PKNOX2: variants seen among roughly 807,000 people sequenced by gnomAD.
The protein encoded by PKNOX2 is homeobox protein PKNOX2.
A neutral mutation model predicts 53.1 loss-of-function variants in PKNOX2; 14 were observed. The observed-to-expected ratio is 0.26, with a 90% confidence interval of 0.17 to 0.41. PKNOX2 has a LOEUF of 0.41. PKNOX2 is among the 10% of genes least tolerant of loss of function. The probability of loss-of-function intolerance (pLI) is 1.00; values close to 1 mark genes in which losing one functional copy is unlikely to be tolerated. For synonymous variants in PKNOX2, 257 were observed against 242.8 expected (o/e 1.06, Z -0.54); for missense variants, 496 against 602.8 (o/e 0.82, Z 1.85).
In PKNOX2 at chr11:125,199,012, T is replaced by C. The variant is rs562858953; in HGVS notation, c.-201+34236T>C. Reference sequence around the variant, plus strand: ...CCCACTACTATGCCTGGCTAATTTTTGCATTTTCAGTAGAGACAGGGTTTT... The same window carrying C: ...CCCACTACTATGCCTGGCTAATTTTCGCATTTTCAGTAGAGACAGGGTTTT... On this transcript the variant is annotated intron_variant, in intron 1 of 12. Coordinates refer to ENST00000298282, the MANE Select transcript of PKNOX2 (RefSeq NM_001382323.2). Among the ~76,000 whole-genome samples the C allele has an allele frequency of 4.6e-5, 7 of 152,220 alleles. No homozygotes were observed. In the South Asian group the frequency reaches 1.5e-3, roughly 32 times the overall value.
At chr11:125,245,318 G>A (rs1016363110) in intron 2 of PKNOX2, among the ~76,000 whole-genome samples, 4 of 152,218 alleles carry the variant, frequency 2.6e-5, no homozygotes, top group East Asian at 1.9e-4. Flanking sequence ...TGCTTCACAT[G>A]CACTATCTGT....
At chr11:125,428,346 G>A (rs1460407221) in intron 10 of PKNOX2, among the ~76,000 whole-genome samples, 1 of 152,166 alleles carries the variant, frequency 6.6e-6, no homozygotes, top group African/African-American at 2.4e-5. Flanking sequence ...CCATCTGGGG[G>A]ACACTGGAGG....
chr11:125,385,178 T>C (rs1242561094), intron 5 of PKNOX2, among the ~76,000 whole-genome samples: 1 of 152,182 alleles, frequency 6.6e-6, no homozygotes, highest in East Asian at 1.9e-4. Context: ...ATCCAGGACT[T>C]CTCTGGACAC....
Position 125,189,557 on chromosome 11 carries a change from C to T in PKNOX2, c.-201+24781C>T, listed in dbSNP as rs867880424. On this transcript the variant is annotated intron_variant, in intron 1 of 12. Transcript: ENST00000298282. ...AACAATCAGTCGTCTTTAGATTAAA[C>T]TCAGAAGGTCTTTGTTGTCTCAATT... Among the ~76,000 whole-genome samples the T allele has an allele frequency of 3.4e-5, 5 of 146,620 alleles. No individual in the cohort carries two copies. In the South Asian group the frequency reaches 8.9e-4, roughly 26 times the overall value.
At chr11:125,371,134 T>G (rs897088945) in intron 5 of PKNOX2, among the ~76,000 whole-genome samples, 1 of 152,180 alleles carries the variant, frequency 6.6e-6, no homozygotes, top group Admixed American at 6.5e-5. Context: ...TGTCTTTAAT[T>G]GGATCATACC....
intron 2 of PKNOX2, among the ~76,000 whole-genome samples, chr11:125,288,981 G>T (rs1423125706): frequency 1.3e-5 from 2 of 152,232 alleles, no homozygotes; most frequent in Non-Finnish European, 2.9e-5. Context: ...TCTTGAGAAA[G>T]GGGACCATGT....
chr11:125,381,790 A>C (rs1360659753), intron 5 of PKNOX2, among the ~76,000 whole-genome samples: 1 of 152,208 alleles, frequency 6.6e-6, no homozygotes, highest in African/African-American at 2.4e-5. Flanking sequence ...TTCCAGAAAC[A>C]TGCAAGCTCA....
At chr11:125,282,686 A>C (rs1946643717) in intron 2 of PKNOX2, among the ~76,000 whole-genome samples, 1 of 152,210 alleles carries the variant, frequency 6.6e-6, no homozygotes, top group Non-Finnish European at 1.5e-5. Flanking sequence ...TGTTTACCAA[A>C]GCTTCCAAGT....
chr11:125,387,519 G>T (rs1008413402), intron 6 of PKNOX2, among the ~76,000 whole-genome samples: 1 of 152,066 alleles, frequency 6.6e-6, no homozygotes, highest in Non-Finnish European at 1.5e-5. Context: ...CCACTTCCAT[G>T]CTCTCTCCTG....
intron 5 of PKNOX2, among the ~76,000 whole-genome samples, chr11:125,381,424 T>A (rs954480282): frequency 1.3e-5 from 2 of 152,120 alleles, no homozygotes; most frequent in African/African-American, 2.4e-5. Flanking sequence ...GTCTGCCCTA[T>A]GCTCCATAGA....
intron 2 of PKNOX2, among the ~76,000 whole-genome samples, chr11:125,307,645 G>T (rs1210514613): frequency 6.6e-6 from 1 of 152,188 alleles, no homozygotes; most frequent in Non-Finnish European, 1.5e-5. Flanking sequence ...ATAAGTGTTC[G>T]ATATGTCCCT....
chr11:125,169,191 C>A (rs1955104058), intron 1 of PKNOX2, among the ~76,000 whole-genome samples: 2 of 152,166 alleles, frequency 1.3e-5, no homozygotes, highest in Non-Finnish European at 2.9e-5. Flanking sequence ...GAAAACGATG[C>A]TGCAGAGGAA....
chr11:125,351,616 G>A (rs115883984), intron 4 of PKNOX2, among the ~76,000 whole-genome samples: 1 of 152,272 alleles, frequency 6.6e-6, no homozygotes, highest in Non-Finnish European at 1.5e-5. Context: ...CAGGAGCTAG[G>A]ACTGGAAGCT....
At chr11:125,277,415 G>A (rs1172946796) in intron 2 of PKNOX2, 1 of 152,200 alleles carries the variant, frequency 6.6e-6, no homozygotes, top group Admixed American at 6.5e-5. Context: ...ATGAATGAGG[G>A]GGAATGTCCA....
intron 4 of PKNOX2, among the ~76,000 whole-genome samples, chr11:125,353,760 CA>C (rs1454601743): frequency 6.6e-6 from 1 of 152,222 alleles, no homozygotes; most frequent in African/African-American, 2.4e-5. Context: ...TGAGAAGCAT[CA>C]GTGTCCATGG....
Position 125,370,463 on chromosome 11 carries a change from C to G in PKNOX2, c.227+2478C>G, listed in dbSNP as rs1952464147. 1.3e-5 allele frequency among the ~76,000 whole-genome samples: 2 copies of G among 152,212 alleles called. No individual in the cohort carries two copies. The highest frequency in any genetic ancestry group is 4.1e-4 in the South Asian group (2 of 4,826). ...ACACTTCTTCCTACTCCCCTTCCCT[C>G]CTGGGCTTTATCTTCTCCCACCGGG... On this transcript the variant is annotated intron_variant, in intron 5 of 12. Coordinates refer to ENST00000298282, the MANE Select transcript of PKNOX2 (RefSeq NM_001382323.2). The surrounding 1 kb of genome is among the most constrained non-coding windows in gnomAD (Gnocchi z 4.1).
chr11:125,426,431 T>C (rs560440789), intron 10 of PKNOX2, among the ~76,000 whole-genome samples: 40 of 152,386 alleles, frequency 2.6e-4, no homozygotes, highest in Non-Finnish European at 4.4e-4. Context: ...ATCTTTCACT[T>C]GCCAGCACCC....
At chr11:125,198,834 TC>T (rs1565467280) in intron 1 of PKNOX2, among the ~76,000 whole-genome samples, 3,273 of 138,130 alleles carry the variant, frequency 0.024, 121 homozygotes, top group African/African-American at 0.078. Flanking sequence ...TTCTTCTTCT[TC>T]TTCTTCTTTT....
chr11:125,195,391 T>C (rs1957117750), intron 1 of PKNOX2, among the ~76,000 whole-genome samples: 1 of 151,958 alleles, frequency 6.6e-6, no homozygotes, highest in Non-Finnish European at 1.5e-5. Flanking sequence ...AAACGAAAAG[T>C]TTTTAGGAAC....
Sources: allele counts gnomAD v4.1 joint callset (sites outside exome capture counted in the v4.1 genomes callset), GRCh38; gene constraint gnomAD v4.1.1; non-coding constraint Gnocchi (gnomAD v3.1); transcripts MANE v1.5; gene names NCBI Gene and HGNC (gene_info 2026-07-23, HGNC 2026-07-21).